The following PTPRD variants were observed in gnomAD, a reference collection of about 807,000 sequenced individuals.
PTPRD encodes the protein protein tyrosine phosphatase receptor type D.
Under a neutral mutation model 214.5 loss-of-function variants are expected in PTPRD, and 34 were observed. The observed-to-expected ratio is 0.16, with a 90% CI of 0.12 to 0.21. The LOEUF (loss-of-function observed/expected upper bound fraction) is 0.21, where lower values mean the gene tolerates loss of function less well. Ranked by LOEUF, PTPRD falls within the 10% of genes least tolerant of loss-of-function variation. PTPRD has a pLI of 1.00. For synonymous variants in PTPRD, 1,128 were observed against 845.7 expected (o/e 1.33, Z -5.79); for missense variants, 2,545 against 2,398.7 (o/e 1.06, Z -1.27).
intron 21 of PTPRD, among the ~76,000 whole-genome samples, chr9:8,513,127 G>C (rs1010067279): frequency 1.3e-5 from 2 of 151,948 alleles, no homozygotes; most frequent in Non-Finnish European, 2.9e-5. Context: ...CCAGAAGTTA[G>C]AGCTATGGAG....
intron 9 of PTPRD, among the ~76,000 whole-genome samples, chr9:9,310,042 C>A (rs549120970): frequency 6.6e-6 from 1 of 152,074 alleles, no homozygotes; most frequent in East Asian, 1.9e-4. Context: ...CAGAATTCTA[C>A]AAATTGAATG....
intron 9 of PTPRD, among the ~76,000 whole-genome samples, chr9:9,223,490 GCTCT>G (rs1395122682): frequency 1.3e-5 from 2 of 151,982 alleles, no homozygotes; most frequent in Admixed American, 6.6e-5. Context: ...CAATCAGAAT[GCTCT>G]CTAAGTCTTG....
At chr9:9,512,394 A>G (rs1590284053) in intron 8 of PTPRD, among the ~76,000 whole-genome samples, 1 of 151,846 alleles carries the variant, frequency 6.6e-6, no homozygotes, top group Non-Finnish European at 1.5e-5. Context: ...TTAAAGAGAT[A>G]AAGTATGCCC....
chr9:8,521,149 A>AGGTTATAC, intron 20 of PTPRD, 128 bp downstream of exon 20: 5 of 1,097,934 alleles, frequency 4.6e-6, no homozygotes, highest in Non-Finnish European at 6.4e-6. Flanking sequence ...AGATATGATT[A>AGGTTATAC]GGTTATACAC....
At chr9:10,278,897 C>A (rs1301324145) in intron 3 of PTPRD, among the ~76,000 whole-genome samples, 1 of 152,082 alleles carries the variant, frequency 6.6e-6, no homozygotes, top group Non-Finnish European at 1.5e-5. Flanking sequence ...GCCTCAGCCT[C>A]CCGAGTAGCT....
chr9:9,184,225 C>A (rs140286659), intron 9 of PTPRD, among the ~76,000 whole-genome samples: 41 of 152,172 alleles, frequency 2.7e-4, no homozygotes, highest in African/African-American at 9.4e-4. Context: ...TTCCCTATCA[C>A]ACGTTATCAC....
intron 3 of PTPRD, among the ~76,000 whole-genome samples, chr9:10,196,204 T>A (rs1203688043): frequency 2.0e-5 from 3 of 152,182 alleles, no homozygotes; most frequent in African/African-American, 7.2e-5. Context: ...GTACAATATC[T>A]TGCTACACTG....
chr9:9,436,470 G>A (rs577704237), intron 8 of PTPRD, among the ~76,000 whole-genome samples: 2 of 152,134 alleles, frequency 1.3e-5, no homozygotes, highest in East Asian at 1.9e-4. Context: ...ATACTGGCAA[G>A]AATTAAACTC....
rs191276821 is a variant in PTPRD, at chr9:8,437,481, C to T, written c.3989-792G>A. On this transcript the variant is annotated intron_variant, in intron 34 of 45. Transcript: ENST00000381196. ...CAGACACAAAGAATGACATGCACCA[C>T]GACTCACTGACGATAATCACTGACG... Among the ~76,000 whole-genome samples, 12 of 152,276 alleles carry T rather than the reference C, an allele frequency of 7.9e-5. No individual in the cohort carries two copies. The East Asian group carries it at 1.2e-3, about 15-fold the overall frequency.
chr9:8,338,898 G>A (rs1205874397), intron 43 of PTPRD, 24 bp downstream of exon 43: 1 of 1,570,178 alleles, frequency 6.4e-7, no homozygotes, highest in Non-Finnish European at 8.7e-7. Flanking sequence ...TAATGGTTAA[G>A]AGTTGAAGAC....
Position 8,521,484 on chromosome 9 carries a change from T to C in PTPRD, c.754A>G (p.Ser252Gly), listed in dbSNP as rs2138902488. ...PTNHEIMPGG[S>G]VNITCVAVGS... ...ACGGCCACACAGGTGATATTAACGC[T>C]TCCGCCTGGCATGATTTCATGATTA... Residue 252 changes from serine (S) to glycine (G), a missense_variant, in exon 20 of 46, where the codon AGC becomes GGC. Coordinates refer to ENST00000381196, the MANE Select transcript of PTPRD (RefSeq NM_002839.4). 1 of 1,613,996 alleles carries C rather than the reference T, an allele frequency of 6.2e-7. No individual in the cohort carries two copies. Among genetic ancestry groups the C allele is most frequent in the Non-Finnish European group, 8.5e-7 (1 of 1,179,900 alleles).
At chr9:9,169,155 T>C (rs779286361) in intron 10 of PTPRD, among the ~76,000 whole-genome samples, 18 of 152,052 alleles carry the variant, frequency 1.2e-4, no homozygotes, top group Non-Finnish European at 2.5e-4. Context: ...ATAAATCTTA[T>C]AGAGCCTCTT....
intron 2 of PTPRD, among the ~76,000 whole-genome samples, chr9:10,503,209 A>AAAAAAAAAAAAAAAAAC (rs1566570259): frequency 2.2e-5 from 2 of 92,968 alleles, no homozygotes; most frequent in Non-Finnish European, 4.0e-5. Context: ...AAAAAAAAAC[A>AAAAAAAAAAAAAAAAAC]AAAAAAAACA....
At chr9:10,129,560 C>T (rs1249476687) in intron 3 of PTPRD, among the ~76,000 whole-genome samples, 1 of 135,716 alleles carries the variant, frequency 7.4e-6, no homozygotes, top group African/African-American at 2.8e-5. Flanking sequence ...TCTCCATTGT[C>T]TACCATCTCA....
chr9:10,553,890 G>T (rs1056601950), intron 2 of PTPRD, among the ~76,000 whole-genome samples: 6 of 152,090 alleles, frequency 3.9e-5, no homozygotes, highest in African/African-American at 1.2e-4. Context: ...TTAAATTACT[G>T]AGTTAAAGTA....
chr9:9,863,254 A>T (rs1344195363), intron 5 of PTPRD, among the ~76,000 whole-genome samples: 1 of 152,188 alleles, frequency 6.6e-6, no homozygotes, highest in East Asian at 1.9e-4. Context: ...GACAGAATGG[A>T]AGTGGTGCAG....
intron 9 of PTPRD, among the ~76,000 whole-genome samples, chr9:9,378,314 C>T (rs991118848): frequency 2.6e-5 from 4 of 152,004 alleles, no homozygotes; most frequent in African/African-American, 7.2e-5. Context: ...TTTTCACTTA[C>T]GAATACACAT....
chr9:9,000,254 A>G (rs16928738), intron 11 of PTPRD, among the ~76,000 whole-genome samples: 5,833 of 152,068 alleles, frequency 0.038, 373 homozygotes, highest in African/African-American at 0.13. Flanking sequence ...CCATCCAAGT[A>G]CCCATAAAGG....
chr9:10,064,942 G>T (rs1395958300), intron 3 of PTPRD, among the ~76,000 whole-genome samples: 1 of 151,922 alleles, frequency 6.6e-6, no homozygotes, highest in Non-Finnish European at 1.5e-5. Flanking sequence ...CTGCTCCACA[G>T]TGACTTTCCT....
Sources: gnomAD v4.1 joint callset for allele counts (sites outside exome capture counted in the v4.1 genomes callset) on GRCh38, gnomAD v4.1.1 for gene constraint, MANE v1.5 for transcripts, NCBI Gene and HGNC (gene_info 2026-07-23, HGNC 2026-07-21) for gene names.